The following NLRP12 variants were observed in gnomAD, a reference collection of about 807,000 sequenced individuals.
NLRP12 encodes the protein NLR family pyrin domain containing 12, also known as NACHT, LRR and PYD domains-containing protein 12.
In NLRP12, 108 loss-of-function variants were observed where a neutral mutation model predicts 91.2. That is an observed-to-expected ratio of 1.18 (90% CI 1.01 to 1.39). The LOEUF (loss-of-function observed/expected upper bound fraction) is 1.39. NLRP12 is among the 40% of genes most tolerant of loss of function. NLRP12 has a pLI of 0.00. For missense variants in NLRP12, 1,530 were observed against 1,352.7 expected (o/e 1.13, Z -2.06); for synonymous variants, 613 against 566.7 (o/e 1.08, Z -1.16).
Position 53,793,962 on chromosome 19 carries a change from A to AGG in NLRP12, c.*85_*86dup. ...CTGCATGAGTCTGTCTCTAGGAAGG[A>AGG]GGCTGATCATTATGCTGGGGGGGTG... On this transcript the variant is annotated 3_prime_UTR_variant, in exon 10 of 10. Coordinates refer to ENST00000324134, the MANE Select transcript of NLRP12 (RefSeq NM_144687.4). 9 of 906,014 alleles carry AGG rather than the reference A, an allele frequency of 9.9e-6. No homozygotes were observed. The South Asian group carries it at 1.0e-4, about 11-fold the overall frequency. 56.1% of individuals were successfully genotyped at this position (906,014 alleles called of 1,614,324 possible). A position where few individuals can be genotyped will look rare whatever the true frequency, so the allele number is the denominator to read the frequency against.
chr19:53,813,375 T>C (rs1418059608), intron 2 of NLRP12, among the ~76,000 whole-genome samples: 4 of 137,248 alleles, frequency 2.9e-5, no homozygotes, highest in Non-Finnish European at 4.8e-5. Context: ...CGATTCGGCT[T>C]ACTGCAAGCT....
At chr19:53,819,901 A>AG in intron 1 of NLRP12, among the ~76,000 whole-genome samples, 1 of 151,226 alleles carries the variant, frequency 6.6e-6, no homozygotes, top group South Asian at 2.1e-4. Context: ...AGAAGGGAAA[A>AG]GAAGGAAGGA....
chr19:53,800,136 T>TA (rs2091842642), intron 7 of NLRP12, among the ~76,000 whole-genome samples: 1 of 152,074 alleles, frequency 6.6e-6, no homozygotes, highest in South Asian at 2.1e-4. Context: ...CCATCTCTAC[T>TA]AAAAAAATGT....
intron 1 of NLRP12, among the ~76,000 whole-genome samples, chr19:53,820,772 C>T (rs2092254175): frequency 6.7e-6 from 1 of 149,724 alleles, no homozygotes; most frequent in South Asian, 2.1e-4. Flanking sequence ...ACCGCAAGCT[C>T]TGCCTCCCAG....
intron 1 of NLRP12, among the ~76,000 whole-genome samples, chr19:53,817,401 G>A (rs566730364): frequency 1.2e-4 from 18 of 151,658 alleles, no homozygotes; most frequent in South Asian, 6.3e-4. Flanking sequence ...TTGCACTCCA[G>A]CCTGGTGACG....
chr19:53,800,188 C>G (rs1451098416), intron 7 of NLRP12, among the ~76,000 whole-genome samples: 1 of 151,982 alleles, frequency 6.6e-6, no homozygotes, highest in Non-Finnish European at 1.5e-5. Context: ...ACCTTTAGTC[C>G]CAGCTACTCG....
rs1307240172 is a variant in NLRP12 at position 53,809,657 on chromosome 19, C to T, written c.2002G>A (p.Ala668Thr). The change falls in exon 3 of 10, where the codon GCC becomes ACC. Residue 668 changes from alanine to threonine, a missense_variant. Physicochemically the swap from Ala to Thr is moderately conservative, Grantham distance 58. Coordinates refer to ENST00000324134, the MANE Select transcript of NLRP12 (RefSeq NM_144687.4). ...RSAQVLHLYG[A>T]TYSADGEDRA... ...TCTTCCCCGTCCGCGCTGTAGGTGG[C>T]GCCATACAAGTGCAGCACCTGGGCG... The T allele has an allele frequency of 8.1e-6, 13 of 1,613,664 alleles. No individual in the cohort carries two copies. The highest frequency in any genetic ancestry group is 2.7e-5 in the African/African-American group (2 of 74,900).
chr19:53,806,301 G>A (rs2091956998), intron 4 of NLRP12, among the ~76,000 whole-genome samples: 1 of 152,046 alleles, frequency 6.6e-6, no homozygotes, highest in South Asian at 2.1e-4. Context: ...CAGTTAGGGA[G>A]GCTGAGGAAG....
At chr19:53,822,151 C>T (rs1174635881) in intron 1 of NLRP12, among the ~76,000 whole-genome samples, 1 of 152,110 alleles carries the variant, frequency 6.6e-6, no homozygotes, top group Non-Finnish European at 1.5e-5. Context: ...CAAGTACCTG[C>T]ATGATAGGAT....
intron 1 of NLRP12, 63 bp downstream of exon 1, chr19:53,823,823 T>G (rs2092304586): frequency 6.3e-7 from 1 of 1,588,308 alleles, no homozygotes; most frequent in Non-Finnish European, 8.6e-7. Context: ...GTGCTGAGAT[T>G]ACAGGTATGA....
rs1291224716 is a variant in NLRP12, at chr19:53,807,542, C to T, written c.2196G>A (p.Leu732=). The T allele has an allele frequency of 1.2e-6, 2 of 1,614,026 alleles. No individual in the cohort carries two copies. Among genetic ancestry groups the T allele is most frequent in the Non-Finnish European group, 1.7e-6 (2 of 1,180,040 alleles). The change falls in exon 4 of 10, where the codon CTG becomes CTA. Residue 732 remains leucine, a synonymous_variant. Coordinates refer to ENST00000324134, the MANE Select transcript of NLRP12 (RefSeq NM_144687.4). ...RNALGSRGVK[L]LCQGLRHPNC... ...TGGGGTGTCTGAGTCCTTGACAGAG[C>T]AGCTTCACCCCCCGGCTGCCCAGGG...
chr19:53,810,974 TGTGTGCCA>T lies in NLRP12; in HGVS notation c.677_684del (p.Leu226GlnfsTer17). 6.2e-7 allele frequency: 1 copy of T among 1,614,160 alleles called. No homozygotes were observed. Among genetic ancestry groups the T allele is most frequent in the South Asian group, 1.1e-5 (1 of 91,088 alleles). ...CCGTCCGCCCAGTCCAGCATCACCT[TGTGTGCCA>T]GCATGGACTTGCCTATCCCTGCCGC... is the stretch of plus-strand genomic sequence containing the variant. On this transcript the variant is annotated frameshift_variant, in exon 3 of 10. Transcript: ENST00000324134. LOFTEE classifies it high-confidence loss of function.
chr19:53,823,831 T>C, intron 1 of NLRP12, 55 bp downstream of exon 1: 11 of 1,599,724 alleles, frequency 6.9e-6, no homozygotes, highest in Non-Finnish European at 9.4e-6. Context: ...ATTACAGGTA[T>C]GAGTCACTGG....
rs1568696751 is a variant in NLRP12 at position 53,819,659 on chromosome 19, A to ATATG, written c.289+4226_289+4227insCATA. ...TATGTATGTATACGTATATATATAC[A>ATATG]CATGTATACATATATGTATGTATAC... On this transcript the variant is annotated intron_variant, in intron 1 of 9. Transcript: ENST00000324134. 3.2e-3 allele frequency among the ~76,000 whole-genome samples: 92 copies of ATATG among 29,064 alleles called. 16 individuals carry two copies. The highest frequency in any genetic ancestry group is 4.8e-3 in the Non-Finnish European group (63 of 13,018). The allele number at this position is 29,064 out of a possible 152,430, so 19.1% of individuals were successfully genotyped here.
Position 53,796,004 on chromosome 19 carries a change from TG to T in NLRP12, c.2952del (p.Lys985ArgfsTer16). ...KLWLDSCGLT[A>X]KACENLYFTL... ...GTGAAGTAAAGATTCTCACAAGCCT[TG>T]GCTGTGAGGCCACAGCTATCCAGCC... is the stretch of plus-strand genomic sequence containing the variant. On this transcript the variant is annotated frameshift_variant, in exon 9 of 10. Coordinates refer to ENST00000324134, the MANE Select transcript of NLRP12 (RefSeq NM_144687.4). LOFTEE classifies it high-confidence loss of function. 6.2e-7 allele frequency: 1 copy of T among 1,614,110 alleles called. No homozygotes were observed. Among genetic ancestry groups the T allele is most frequent in the Non-Finnish European group, 8.5e-7 (1 of 1,179,970 alleles).
At position 53,805,275 on chromosome 19, in the gene NLRP12, C is replaced by A; in HGVS notation, c.2414+5G>T. On this transcript the variant is annotated splice_donor_5th_base_variant and intron_variant, in intron 5 of 9. Coordinates refer to ENST00000324134, the MANE Select transcript of NLRP12 (RefSeq NM_144687.4). Reference sequence around the variant, plus strand: ...AAGAAGTTGCTCCCGGGGATAGAGACTCACTGAATCATCTGCAGCCTGCAC... The same window carrying A: ...AAGAAGTTGCTCCCGGGGATAGAGAATCACTGAATCATCTGCAGCCTGCAC... 1.2e-6 allele frequency: 2 copies of A among 1,613,830 alleles called. No homozygotes were observed. Among genetic ancestry groups the A allele is most frequent in the East Asian group, 4.5e-5 (2 of 44,870 alleles).
At position 53,798,370 on chromosome 19, in the gene NLRP12, A is replaced by AAAG. The variant is rs2122532843; in HGVS notation, c.2797_2799dup (p.Leu933dup). 3 of 1,614,136 alleles carry AAAG rather than the reference A, an allele frequency of 1.9e-6. No homozygotes were observed. Among genetic ancestry groups the AAAG allele is most frequent in the Non-Finnish European group, 2.5e-6 (3 of 1,180,022 alleles). On this transcript the variant is annotated inframe_insertion, in exon 8 of 10. Transcript: ENST00000324134. ...TTGTGGTTGGCCTGGAGCACCACAG[A>AAAG]AAGACCCTCACAGGCGGCAGAGCCC...
rs1435753276 is a variant in NLRP12 at position 53,804,094 on chromosome 19, C to A, written c.2443G>T (p.Ala815Ser). The A allele has an allele frequency of 1.9e-6, 3 of 1,614,014 alleles. 1 individual carries two copies. The Admixed American group carries it at 5.0e-5, about 27-fold the overall frequency. Residue 815 changes from alanine (A) to serine (S), a missense_variant, in exon 6 of 10, where the codon GCT becomes TCT. By Grantham distance (99) the Ala-to-Ser change is moderately conservative (BLOSUM62 1). Coordinates refer to ENST00000324134, the MANE Select transcript of NLRP12 (RefSeq NM_144687.4). ...AGCACAGAAGCCATCTCCTGACAAG[C>A]CCCGGACTCCAGCTGACACTTCCTC... ...QLRKCQLESGACQEMASVLGT... is the reference protein window; with the variant it reads ...QLRKCQLESGSCQEMASVLGT...
intron 6 of NLRP12, among the ~76,000 whole-genome samples, chr19:53,803,144 T>G (rs1403579066): frequency 6.6e-6 from 1 of 152,072 alleles, no homozygotes; most frequent in Non-Finnish European, 1.5e-5. Context: ...TGAAGTAGTT[T>G]CACGCTACTG....
Sources: gnomAD v4.1 joint callset for allele counts (sites outside exome capture counted in the v4.1 genomes callset) on GRCh38, gnomAD v4.1.1 for gene constraint, MANE v1.5 for transcripts, NCBI Gene and HGNC (gene_info 2026-07-23, HGNC 2026-07-21) for gene names.